Variants in AP2M1 observed in about 807,000 individuals in gnomAD.
AP2M1 encodes adaptor related protein complex 2 subunit mu 1.
A neutral mutation model predicts 54.5 loss-of-function variants in AP2M1; 5 were observed. The observed-to-expected ratio is 0.09, with a 90% confidence interval of 0.05 to 0.19. The LOEUF is 0.19. AP2M1 is among the 10% of genes least tolerant of loss of function. The probability of loss-of-function intolerance (pLI) is 1.00; values close to 1 mark genes in which losing one functional copy is unlikely to be tolerated. For missense variants in AP2M1, 178 were observed against 580.2 expected, an observed-to-expected ratio of 0.31 and a Z score of 7.12; for synonymous variants, 186 against 208.2, an observed-to-expected ratio of 0.89 and a Z score of 0.92.
rs1169584884 is a variant in AP2M1 at position 184,181,423 on chromosome 3, G to C, written c.707+197G>C. The C allele has an allele frequency of 1.1e-6, 1 of 931,224 alleles. No individual in the cohort carries two copies. The highest frequency in any genetic ancestry group is 2.8e-5 in the Admixed American group (1 of 35,662). The allele number at this position is 931,224 out of a possible 1,614,324, so 57.7% of individuals were successfully genotyped here. ...TCGTCCTCAGAGAGCAAGCCCCTTT[G>C]TTTGGTCCCTAGGACCAAGGCCTTT... On this transcript the variant is annotated intron_variant, in intron 7 of 11. Transcript: ENST00000292807. The surrounding 1 kb of genome is among the most constrained non-coding windows in gnomAD (Gnocchi z 5.7).
At chr3:184,177,538 C>T (rs997461511) in intron 2 of AP2M1, 34 of 1,535,694 alleles carry the variant, frequency 2.2e-5, no homozygotes, top group Admixed American at 7.8e-5. Flanking sequence ...TGCTCCCTTT[C>T]TCAGGAGTCG....
At chr3:184,179,492 A>G in intron 3 of AP2M1, 1 of 274,650 alleles carries the variant, frequency 3.6e-6, no homozygotes, top group Non-Finnish European at 7.1e-6. Context: ...GGGGAGAGTG[A>G]GATATTACAA....
In AP2M1 at chr3:184,180,089, C is replaced by T. The variant is rs1031907593; in HGVS notation, c.341-80C>T. On this transcript the variant is annotated intron_variant, in intron 3 of 11. Coordinates refer to ENST00000292807, the MANE Select transcript of AP2M1 (RefSeq NM_004068.4). This position sits in a 1 kb window ranked among gnomAD's most constrained non-coding sequence, Gnocchi z 4.9. ...TCCCACATGGGCTTTGGGAGCTGTG[C>T]CGGTCAGATGTGTAGGCCCAAGTAG... is the stretch of plus-strand genomic sequence containing the variant. The T allele has an allele frequency of 2.2e-6, 3 of 1,352,788 alleles. No homozygotes were observed. The highest frequency in any genetic ancestry group is 2.4e-5 in the South Asian group (2 of 83,472). 83.8% of individuals were successfully genotyped at this position (1,352,788 alleles called of 1,614,324 possible).
At chr3:184,177,661 C>G in intron 2 of AP2M1, 1 of 1,494,442 alleles carries the variant, frequency 6.7e-7, no homozygotes, top group East Asian at 2.5e-5. Context: ...CCATGCTACC[C>G]TCTCAGTAGA....
rs769916005 is a variant in AP2M1 at position 184,182,818 on chromosome 3, A to G, written c.1123A>G (p.Thr375Ala). The part of the protein sequence containing the change: ...QISAEIELLP[T>A]NDKKKWARPP... Reference sequence around the variant, plus strand: ...CAGCGCAGAGATTGAGCTTCTGCCTACCAACGACAAGAAGAAATGGGCTCG... The same window carrying G: ...CAGCGCAGAGATTGAGCTTCTGCCTGCCAACGACAAGAAGAAATGGGCTCG... The change falls in exon 11 of 12, where the codon ACC becomes GCC. Residue 375 changes from threonine (T) to alanine (A), a missense_variant. Physicochemically the swap from Thr to Ala is moderately conservative, Grantham distance 58. This residue lies in a region of AP2M1 where 59 missense variants were observed against 176.8 expected (regional missense o/e 0.33). Transcript: ENST00000292807. This position sits in a 1 kb window ranked among gnomAD's most constrained non-coding sequence, Gnocchi z 5.5. 1 of 1,614,182 alleles carries G rather than the reference A, an allele frequency of 6.2e-7. No homozygotes were observed. Among genetic ancestry groups the G allele is most frequent in the East Asian group, 2.2e-5 (1 of 44,862 alleles).
chr3:184,181,484 G>A lies in AP2M1; in HGVS notation c.708-212G>A. On this transcript the variant is annotated intron_variant, in intron 7 of 11. Transcript: ENST00000292807. This position sits in a 1 kb window ranked among gnomAD's most constrained non-coding sequence, Gnocchi z 5.7. ...CTGACAGCCTCTGCCCAGTGTGCCTGAAACACCCAGGTCCCTAGCAGAAGG... is the reference window on the plus strand; with the variant it reads ...CTGACAGCCTCTGCCCAGTGTGCCTAAAACACCCAGGTCCCTAGCAGAAGG... 2 of 829,398 alleles carry A rather than the reference G, an allele frequency of 2.4e-6. No homozygotes were observed. The highest frequency in any genetic ancestry group is 1.8e-6 in the Non-Finnish European group (1 of 544,876). 51.4% of individuals were successfully genotyped at this position (829,398 alleles called of 1,614,324 possible). A position where few individuals can be genotyped will look rare whatever the true frequency, so the allele number is the denominator to read the frequency against.
Position 184,181,963 on chromosome 3 carries a change from G to A in AP2M1, c.879G>A (p.Val293=). 1 of 1,614,176 alleles carries A rather than the reference G, an allele frequency of 6.2e-7. No homozygotes were observed. ...IILPFRVIPL[V]REVGRTKLEV... is the part of the protein sequence containing the mutation. ...TTCCCTTCCGGGTGATCCCGCTAGT[G>A]CGAGAAGTGGGACGCACCAAACTGG... Residue 293 remains valine, a synonymous_variant, in exon 9 of 12, where the codon GTG becomes GTA. Coordinates refer to ENST00000292807, the MANE Select transcript of AP2M1 (RefSeq NM_004068.4). The surrounding 1 kb of genome is among the most constrained non-coding windows in gnomAD (Gnocchi z 5.7).
intron 2 of AP2M1, chr3:184,177,671 A>C: frequency 6.9e-7 from 1 of 1,455,808 alleles, no homozygotes; most frequent in Non-Finnish European, 9.3e-7. Context: ...CTCTCAGTAG[A>C]CCCAGAGCAG....
At position 184,180,632 on chromosome 3, in the gene AP2M1, C is replaced by A; in HGVS notation, c.424-13C>A. On this transcript the variant is annotated splice_polypyrimidine_tract_variant and intron_variant, in intron 4 of 11. Coordinates refer to ENST00000292807, the MANE Select transcript of AP2M1 (RefSeq NM_004068.4). The surrounding 1 kb of genome is among the most constrained non-coding windows in gnomAD (Gnocchi z 4.9). ...GCTTCATGTGGGCACCTCGTTGGCC[C>A]TGCGGCCTCCAGCATCAGGTAAGCT... 6.2e-7 allele frequency: 1 copy of A among 1,614,072 alleles called. No individual in the cohort carries two copies. Among genetic ancestry groups the A allele is most frequent in the Non-Finnish European group, 8.5e-7 (1 of 1,180,050 alleles).
At chr3:184,175,413 C>T (rs1292406211) in intron 1 of AP2M1, among the ~76,000 whole-genome samples, 1 of 152,152 alleles carries the variant, frequency 6.6e-6, no homozygotes, top group East Asian at 1.9e-4. Flanking sequence ...CTTCCTTAGA[C>T]CTGTGACAGC....
In AP2M1 at chr3:184,183,132, A is replaced by G. The variant is rs1328544523; in HGVS notation, c.1173+264A>G. On this transcript the variant is annotated intron_variant, in intron 11 of 11. Coordinates refer to ENST00000292807, the MANE Select transcript of AP2M1 (RefSeq NM_004068.4). The surrounding 1 kb of genome is among the most constrained non-coding windows in gnomAD (Gnocchi z 5.7). Reference sequence around the variant, plus strand: ...AGATTGTTTAAATGCCAGGTAAGACACAAAGTTTACTTACAGACAGGATAA... The same window carrying G: ...AGATTGTTTAAATGCCAGGTAAGACGCAAAGTTTACTTACAGACAGGATAA... 1.1e-5 allele frequency: 6 copies of G among 563,794 alleles called. No individual in the cohort carries two copies. The highest frequency in any genetic ancestry group is 1.9e-5 in the Non-Finnish European group (6 of 314,314). 34.9% of individuals were successfully genotyped at this position (563,794 alleles called of 1,614,324 possible). A position where few individuals can be genotyped will look rare whatever the true frequency, so the allele number is the denominator to read the frequency against.
In AP2M1 at chr3:184,180,701, G is replaced by C; in HGVS notation, c.429+51G>C. The C allele has an allele frequency of 6.2e-7, 1 of 1,614,220 alleles. No individual in the cohort carries two copies. The highest frequency in any genetic ancestry group is 8.5e-7 in the Non-Finnish European group (1 of 1,180,044). On this transcript the variant is annotated intron_variant, in intron 5 of 11. Coordinates refer to ENST00000292807, the MANE Select transcript of AP2M1 (RefSeq NM_004068.4). This position sits in a 1 kb window ranked among gnomAD's most constrained non-coding sequence, Gnocchi z 4.9. The stretch of plus-strand genomic sequence containing the variant: ...CTTGCAGCTTTGCTTTGTTTCTCCA[G>C]GCCCTGCCCTTTGGGGCTTATAGGG...
intron 2 of AP2M1, chr3:184,177,923 C>G (rs1325083724): frequency 3.3e-6 from 2 of 597,524 alleles, no homozygotes; most frequent in East Asian, 2.8e-5. Flanking sequence ...TTGGCCCTTG[C>G]GGGCGTTTGT....
In AP2M1 at chr3:184,178,561, T is replaced by C. The variant is rs1425332139; in HGVS notation, c.75-296T>C. ...TAGGGCCAGCCCTGGGAGTAAGGAA[T>C]ATCTGTCTCTAAACCTGATGAACCT... is the stretch of plus-strand genomic sequence containing the variant. On this transcript the variant is annotated intron_variant, in intron 2 of 11. Transcript: ENST00000292807. The surrounding 1 kb of genome is among the most constrained non-coding windows in gnomAD (Gnocchi z 4.9). Among the ~76,000 whole-genome samples the C allele has an allele frequency of 6.6e-6, 1 of 152,234 alleles. No homozygotes were observed. Among genetic ancestry groups the C allele is most frequent in the Non-Finnish European group, 1.5e-5 (1 of 68,046 alleles).
In AP2M1 at chr3:184,181,302, C is replaced by A; in HGVS notation, c.707+76C>A. ...GTGGGGTCTAGTGAACCACAAGTTT[C>A]TTCTGGATTTCATTCCCACTGTAAT... On this transcript the variant is annotated intron_variant, in intron 7 of 11. Transcript: ENST00000292807. This position sits in a 1 kb window ranked among gnomAD's most constrained non-coding sequence, Gnocchi z 5.7. 3.1e-6 allele frequency: 5 copies of A among 1,587,578 alleles called. No individual in the cohort carries two copies. The highest frequency in any genetic ancestry group is 4.3e-6 in the Non-Finnish European group (5 of 1,163,962).
chr3:184,180,111 G>A lies in AP2M1; in HGVS notation c.341-58G>A. ...GTGCCGGTCAGATGTGTAGGCCCAA[G>A]TAGGGGCTGGAATGAAGAAGCTCTG... On this transcript the variant is annotated intron_variant, in intron 3 of 11. Coordinates refer to ENST00000292807, the MANE Select transcript of AP2M1 (RefSeq NM_004068.4). This position sits in a 1 kb window ranked among gnomAD's most constrained non-coding sequence, Gnocchi z 4.9. The A allele has an allele frequency of 6.4e-7, 1 of 1,568,068 alleles. No individual in the cohort carries two copies. Among genetic ancestry groups the A allele is most frequent in the Non-Finnish European group, 8.8e-7 (1 of 1,140,086 alleles).
rs141298746 is a variant in AP2M1, at chr3:184,179,333, G to C, written c.340+211G>C. 14 of 611,794 alleles carry C rather than the reference G, an allele frequency of 2.3e-5. No homozygotes were observed. In the East Asian group the frequency reaches 4.1e-4, roughly 18 times the overall value. 37.9% of individuals were successfully genotyped at this position (611,794 alleles called of 1,614,324 possible). A position where few individuals can be genotyped will look rare whatever the true frequency, so the allele number is the denominator to read the frequency against. The stretch of plus-strand genomic sequence containing the variant: ...TGGTCTGAAGTAGAACACAGAAATA[G>C]GCCAGCAGGTGATCTTCCAAGGGGC... On this transcript the variant is annotated intron_variant, in intron 3 of 11. Transcript: ENST00000292807.
chr3:184,182,764 C>T lies in AP2M1; in HGVS notation c.1069C>T (p.Arg357Cys). ...SENAIVWKIKRMAGMKESQIS... is the reference protein window; with the variant it reads ...SENAIVWKIKCMAGMKESQIS... ...TTGTCCCTGTGTTCCCAGGATCAAG[C>T]GCATGGCAGGCATGAAGGAATCGCA... The change falls in exon 11 of 12, where the codon CGC becomes TGC. Residue 357 changes from arginine to cysteine, a missense_variant. Coordinates refer to ENST00000292807, the MANE Select transcript of AP2M1 (RefSeq NM_004068.4). The surrounding 1 kb of genome is among the most constrained non-coding windows in gnomAD (Gnocchi z 5.5). The T allele has an allele frequency of 6.2e-7, 1 of 1,613,794 alleles. No homozygotes were observed. Among genetic ancestry groups the T allele is most frequent in the Non-Finnish European group, 8.5e-7 (1 of 1,179,756 alleles).
At chr3:184,179,272 C>T (rs190699632) in intron 3 of AP2M1, 150 bp downstream of exon 3, 24 of 992,924 alleles carry the variant, frequency 2.4e-5, no homozygotes, top group African/African-American at 2.3e-4. Flanking sequence ...ATCTCTATGC[C>T]CCTCAGAAGG....
Sources: gnomAD v4.1 joint callset for allele counts (sites outside exome capture counted in the v4.1 genomes callset) on GRCh38, gnomAD v4.1.1 for gene constraint, gnomAD v4.1.1 regional missense constraint, Gnocchi (gnomAD v3.1) non-coding constraint, MANE v1.5 for transcripts, NCBI Gene and HGNC (gene_info 2026-07-23, HGNC 2026-07-21) for gene names.